The following MACC1 variants were observed in gnomAD, a reference collection of about 807,000 sequenced individuals.
The protein encoded by MACC1 is MET transcriptional regulator MACC1.
A neutral mutation model predicts 70.7 loss-of-function variants in MACC1; 79 were observed. The ratio of observed to expected loss-of-function variants is 1.12; its 90% confidence interval spans 0.93 to 1.35. The LOEUF is 1.35. Among genes scored for constraint, MACC1 ranks in the 40% most tolerant of loss-of-function variants. The pLI is 0.00. For synonymous variants in MACC1, 361 were observed against 347.2 expected (o/e 1.04, Z -0.44); for missense variants, 1,106 against 978.1 (o/e 1.13, Z -1.74).
At position 20,174,079 on chromosome 7, in the gene MACC1, G is replaced by A. The variant is rs10262353; in HGVS notation, c.-217-3301C>T. On this transcript the variant is annotated intron_variant, in intron 1 of 6. Coordinates refer to ENST00000400331, the MANE Select transcript of MACC1 (RefSeq NM_182762.4). ...AAGTGTGACTTCCTGATGATCTGAG[G>A]TTGCCTGAATCACAGGGACTTTCTC... 8.0e-3 allele frequency among the ~76,000 whole-genome samples: 1,223 copies of A among 152,250 alleles called. 12 individuals are homozygous for A. Among genetic ancestry groups the A allele is most frequent in the Middle Eastern group, 0.058 (17 of 292 alleles).
rs1781734254 is a variant in MACC1, at chr7:20,137,501, T to C, written c.*3445A>G. On this transcript the variant is annotated 3_prime_UTR_variant, in exon 7 of 7. Coordinates refer to ENST00000400331, the MANE Select transcript of MACC1 (RefSeq NM_182762.4). ...ATCTGTGGCTTATACAGAAAAATTA[T>C]TATGTTTCAAGCTGGGCACTTAATT... The C allele has an allele frequency of 6.6e-6, 1 of 152,202 alleles. No individual in the cohort carries two copies. Among genetic ancestry groups the C allele is most frequent in the Non-Finnish European group, 1.5e-5 (1 of 68,034 alleles). The allele number at this position is 152,202 out of a possible 1,614,324, so 9.4% of individuals were successfully genotyped here.
intron 1 of MACC1, among the ~76,000 whole-genome samples, chr7:20,180,021 T>C (rs3114461): frequency 0.48 from 73,721 of 152,008 alleles, 19,615 homozygotes; most frequent in East Asian, 0.86. Context: ...TAAAAGAGTG[T>C]CAAAACCTGA....
chr7:20,216,963 T>C (rs1456177407), intron 1 of MACC1, among the ~76,000 whole-genome samples: 2 of 152,352 alleles, frequency 1.3e-5, no homozygotes, highest in Admixed American at 1.3e-4. Context: ...TTAAAGTTTT[T>C]AGGGGATTTC....
chr7:20,156,981 T>C lies in MACC1; in HGVS notation c.2157+1223A>G, dbSNP rs376499812. On this transcript the variant is annotated intron_variant, in intron 5 of 6. Coordinates refer to ENST00000400331, the MANE Select transcript of MACC1 (RefSeq NM_182762.4). ...TACACAGTACTTATACAAACATTTT[T>C]ATACACACACACATTACTTTGTTTC... is the stretch of plus-strand genomic sequence containing the variant. Among the ~76,000 whole-genome samples the C allele has an allele frequency of 9.2e-5, 14 of 152,310 alleles. No homozygotes were observed. In the South Asian group the frequency reaches 2.5e-3, roughly 27 times the overall value.
At chr7:20,200,620 A>G (rs1315007376) in intron 1 of MACC1, among the ~76,000 whole-genome samples, 1 of 152,234 alleles carries the variant, frequency 6.6e-6, no homozygotes, top group Non-Finnish European at 1.5e-5. Context: ...AGGGGGATGA[A>G]GTAATGCACT....
intron 6 of MACC1, among the ~76,000 whole-genome samples, chr7:20,148,219 G>A (rs1416603434): frequency 6.6e-6 from 1 of 152,110 alleles, no homozygotes; most frequent in African/African-American, 2.4e-5. Flanking sequence ...GTATACAAAG[G>A]AATGGATGTA....
chr7:20,158,154 T>A lies in MACC1; in HGVS notation c.2157+50A>T. ...ATGTTCAGTTATAAATATTGTCAAG[T>A]TAATACAATTCTCGATGGCAATTCA... is the stretch of plus-strand genomic sequence containing the variant. On this transcript the variant is annotated intron_variant, in intron 5 of 6. Coordinates refer to ENST00000400331, the MANE Select transcript of MACC1 (RefSeq NM_182762.4). The A allele has an allele frequency of 2.6e-6, 4 of 1,518,024 alleles. No homozygotes were observed. The Admixed American group carries it at 9.0e-5, about 34-fold the overall frequency. 94.0% of individuals were successfully genotyped at this position (1,518,024 alleles called of 1,614,324 possible). A position where few individuals can be genotyped will look rare whatever the true frequency, so the allele number is the denominator to read the frequency against.
intron 1 of MACC1, among the ~76,000 whole-genome samples, chr7:20,178,181 A>C (rs1410361578): frequency 6.6e-6 from 1 of 152,086 alleles, no homozygotes; most frequent in Non-Finnish European, 1.5e-5. Flanking sequence ...CTAATACTCT[A>C]AAACAAAAAA....
At chr7:20,175,220 T>A (rs1438771262) in intron 1 of MACC1, among the ~76,000 whole-genome samples, 1 of 152,136 alleles carries the variant, frequency 6.6e-6, no homozygotes, top group Non-Finnish European at 1.5e-5. Context: ...GGCAATATTT[T>A]ATTTTGGTAT....
chr7:20,146,682 C>G (rs1781896412), intron 6 of MACC1, among the ~76,000 whole-genome samples: 1 of 152,176 alleles, frequency 6.6e-6, no homozygotes, highest in South Asian at 2.1e-4. Flanking sequence ...TTGTTCCTCT[C>G]TTGCTCAATG....
intron 1 of MACC1, among the ~76,000 whole-genome samples, chr7:20,191,348 A>C (rs542500716): frequency 3.3e-5 from 5 of 152,220 alleles, no homozygotes; most frequent in Admixed American, 6.5e-5. Context: ...ACAGGAGGGC[A>C]TACCCATGTT....
In MACC1 at chr7:20,156,959, A is replaced by G. The variant is rs566206720; in HGVS notation, c.2157+1245T>C. Among the ~76,000 whole-genome samples, 30 of 152,282 alleles carry G rather than the reference A, an allele frequency of 2.0e-4. No homozygotes were observed. The South Asian group carries it at 6.0e-3, about 31-fold the overall frequency. ...ATTTAATACAAATACCTACACATACACAGTACTTATACAAACATTTTTATA... is the reference window on the plus strand; with the variant it reads ...ATTTAATACAAATACCTACACATACGCAGTACTTATACAAACATTTTTATA... On this transcript the variant is annotated intron_variant, in intron 5 of 6. Coordinates refer to ENST00000400331, the MANE Select transcript of MACC1 (RefSeq NM_182762.4).
rs566411835 is a variant in MACC1, at chr7:20,194,064, ATG to A, written c.-218+23233_-218+23234del. ...GACTCCTCACTTGCTGGGAGCCTCC[ATG>A]TCTCCATCTGTAAAATGAGGGGGTT... On this transcript the variant is annotated intron_variant, in intron 1 of 6. Transcript: ENST00000400331. 3.9e-5 allele frequency among the ~76,000 whole-genome samples: 6 copies of A among 152,234 alleles called. No individual in the cohort carries two copies. The South Asian group carries it at 1.0e-3, about 26-fold the overall frequency.
intron 1 of MACC1, among the ~76,000 whole-genome samples, chr7:20,197,031 AT>A (rs943449342): frequency 4.6e-5 from 7 of 152,148 alleles, no homozygotes; most frequent in Non-Finnish European, 7.4e-5. Context: ...ATCTATAAAC[AT>A]TTACCTAGTG....
chr7:20,213,523 T>C (rs968135846), intron 1 of MACC1, among the ~76,000 whole-genome samples: 4 of 152,082 alleles, frequency 2.6e-5, no homozygotes, highest in Non-Finnish European at 4.4e-5. Context: ...ATGGAATCTA[T>C]CTAAATGCCC....
chr7:20,196,397 G>A lies in MACC1; in HGVS notation c.-218+20902C>T, dbSNP rs1035599615. Among the ~76,000 whole-genome samples, 5 of 152,158 alleles carry A rather than the reference G, an allele frequency of 3.3e-5. No individual in the cohort carries two copies. In the East Asian group the frequency reaches 5.8e-4, roughly 18 times the overall value. On this transcript the variant is annotated intron_variant, in intron 1 of 6. Transcript: ENST00000400331. ...GGGTTTCACCGTGTTAGCCAGGATG[G>A]TCTCAATCTCCTGACCTTGTGATCC...
In MACC1 at chr7:20,140,749, G is replaced by A. The variant is rs978960925; in HGVS notation, c.*197C>T. ...TGCTTTCATCAGGAAAAAAAAACTG[G>A]TTTTGAGCATGAAGAAAATTAATAT... On this transcript the variant is annotated 3_prime_UTR_variant, in exon 7 of 7. Transcript: ENST00000400331. 2 of 437,022 alleles carry A rather than the reference G, an allele frequency of 4.6e-6. No homozygotes were observed. Among genetic ancestry groups the A allele is most frequent in the Non-Finnish European group, 7.9e-6 (2 of 253,210 alleles). 27.1% of individuals were successfully genotyped at this position (437,022 alleles called of 1,614,324 possible). A position where few individuals can be genotyped will look rare whatever the true frequency, so the allele number is the denominator to read the frequency against.
chr7:20,209,114 C>T (rs1782956952), intron 1 of MACC1, among the ~76,000 whole-genome samples: 1 of 152,150 alleles, frequency 6.6e-6, no homozygotes, highest in African/African-American at 2.4e-5. Flanking sequence ...GGATGGGGCC[C>T]TCATAGAGAA....
At chr7:20,148,443 G>A (rs576240978) in intron 6 of MACC1, among the ~76,000 whole-genome samples, 6 of 151,994 alleles carry the variant, frequency 3.9e-5, no homozygotes, top group Non-Finnish European at 7.4e-5. Context: ...GCTGGATTTT[G>A]GTTTTCTGAA....
Sources: allele counts gnomAD v4.1 joint callset (sites outside exome capture counted in the v4.1 genomes callset), GRCh38; gene constraint gnomAD v4.1.1; transcripts MANE v1.5; gene names NCBI Gene and HGNC (gene_info 2026-07-23, HGNC 2026-07-21).